The following LAMA1 variants were observed in gnomAD, a reference collection of about 807,000 sequenced individuals.
LAMA1 encodes laminin subunit alpha-1.
In LAMA1, 219 loss-of-function variants were observed where a neutral mutation model predicts 348.7. The observed-to-expected ratio is 0.63, with a 90% CI of 0.56 to 0.70. LAMA1 has a LOEUF of 0.70. Among genes scored for constraint, LAMA1 ranks in the 30% least tolerant of loss-of-function variants. The pLI, the probability that LAMA1 is intolerant of heterozygous loss-of-function variation, is 0.00. For synonymous variants in LAMA1, 1,487 were observed against 1,491.0 expected, an observed-to-expected ratio of 1.00 and a Z score of 0.06; for missense variants, 3,744 against 3,888.0, an observed-to-expected ratio of 0.96 and a Z score of 0.99.
At chr18:6,985,177 A>T in intron 39 of LAMA1, 60 bp downstream of exon 39, 1 of 1,554,518 alleles carries the variant, frequency 6.4e-7, no homozygotes, top group Non-Finnish European at 8.9e-7. Flanking sequence ...AGAAACATCC[A>T]TCTATTTCTC....
chr18:6,963,297 G>A (rs923922752), intron 51 of LAMA1, among the ~76,000 whole-genome samples: 1 of 152,154 alleles, frequency 6.6e-6, no homozygotes, highest in Non-Finnish European at 1.5e-5. Flanking sequence ...GGACATAGCC[G>A]AGGCTACAGG....
chr18:7,005,551 C>T (rs1273039031), intron 29 of LAMA1, among the ~76,000 whole-genome samples: 1 of 152,178 alleles, frequency 6.6e-6, no homozygotes, highest in African/African-American at 2.4e-5. Flanking sequence ...GAGTTCGAAA[C>T]CAGCCTGGCC....
chr18:7,004,251 C>T (rs1366369951), intron 29 of LAMA1, among the ~76,000 whole-genome samples: 7 of 152,186 alleles, frequency 4.6e-5, no homozygotes, highest in African/African-American at 1.7e-4. Context: ...AGTCGTATCT[C>T]CCAGAAGGCG....
intron 1 of LAMA1, among the ~76,000 whole-genome samples, chr18:7,082,959 T>TGCA (rs1221003751): frequency 7.0e-6 from 1 of 142,592 alleles, no homozygotes; most frequent in African/African-American, 3.1e-5. Flanking sequence ...TCTGAGTAAC[T>TGCA]GCAGGGTCTT....
At chr18:7,003,935 T>C (rs1031430389) in intron 29 of LAMA1, among the ~76,000 whole-genome samples, 2 of 152,240 alleles carry the variant, frequency 1.3e-5, no homozygotes, top group African/African-American at 4.8e-5. Context: ...CTCATCTCTC[T>C]GTAGAAGTAA....
At chr18:6,942,703 C>T (rs958580814) in intron 62 of LAMA1, among the ~76,000 whole-genome samples, 8 of 152,206 alleles carry the variant, frequency 5.3e-5, no homozygotes, top group East Asian at 1.9e-4. Context: ...TGTAAGCCAC[C>T]GCACCTGGCC....
At chr18:7,093,402 C>T (rs559598944) in intron 1 of LAMA1, among the ~76,000 whole-genome samples, 1 of 151,882 alleles carries the variant, frequency 6.6e-6, no homozygotes, top group Non-Finnish European at 1.5e-5. Flanking sequence ...GGCGACAGAG[C>T]CAGACTCGGT....
intron 46 of LAMA1, among the ~76,000 whole-genome samples, chr18:6,974,175 A>G (rs1600362290): frequency 1.3e-5 from 2 of 152,174 alleles, no homozygotes; most frequent in South Asian, 4.1e-4. Flanking sequence ...TGATTTTGGT[A>G]TCAAAGTTTG....
chr18:7,014,561 A>G (rs910212330), intron 22 of LAMA1, among the ~76,000 whole-genome samples: 1 of 40,602 alleles, frequency 2.5e-5, no homozygotes, highest in African/African-American at 7.6e-5. Flanking sequence ...GGTCAAGGAT[A>G]CAGTGAGCTT....
chr18:6,947,401 T>C lies in LAMA1; in HGVS notation c.8711-105A>G, dbSNP rs2057527062. On this transcript the variant is annotated intron_variant, in intron 60 of 62. Transcript: ENST00000389658. ...TGGGGGACCTGGCTCTAGCTCCTCC[T>C]TTGGATCCAGCTGCATCCCCACCAG... 12 of 1,379,392 alleles carry C rather than the reference T, an allele frequency of 8.7e-6. No individual in the cohort carries two copies. The South Asian group carries it at 1.4e-4, about 17-fold the overall frequency. 85.4% of individuals were successfully genotyped at this position (1,379,392 alleles called of 1,614,324 possible). A position where few individuals can be genotyped will look rare whatever the true frequency, so the allele number is the denominator to read the frequency against.
chr18:6,992,571 G>C lies in LAMA1; in HGVS notation c.5158C>G (p.Leu1720Val), dbSNP rs1438728082. 1.2e-6 allele frequency: 2 copies of C among 1,614,052 alleles called. No homozygotes were observed. The highest frequency in any genetic ancestry group is 1.7e-6 in the Non-Finnish European group (2 of 1,180,020). Residue 1720 changes from leucine to valine, a missense_variant, in exon 36 of 63, where the codon CTT (leucine) becomes GTT (valine). Physicochemically the swap from Leu to Val is conservative, Grantham distance 32 (BLOSUM62 1). Coordinates refer to ENST00000389658, the MANE Select transcript of LAMA1 (RefSeq NM_005559.4). The stretch of plus-strand genomic sequence containing the variant: ...TAATTAGAAACTTACTTGAGTTCAA[G>C]GGTGGCATTTTGGTGCAACTGTGTG... ...DFTQLHQNATLELKAAEDLLS... is the reference protein window; with the variant it reads ...DFTQLHQNATVELKAAEDLLS...
intron 3 of LAMA1, among the ~76,000 whole-genome samples, chr18:7,074,299 C>T (rs921961523): frequency 6.6e-6 from 1 of 152,162 alleles, no homozygotes; most frequent in Non-Finnish European, 1.5e-5. Flanking sequence ...GTTTGATTTT[C>T]ACTTCCCTAT....
intron 3 of LAMA1, among the ~76,000 whole-genome samples, chr18:7,074,229 T>C (rs1475030679): frequency 6.6e-6 from 1 of 152,202 alleles, no homozygotes; most frequent in East Asian, 1.9e-4. Context: ...CCAACACTTA[T>C]TATTTTCCAA....
intron 26 of LAMA1, 45 bp from the exon 27 acceptor site, chr18:7,009,411 C>G: frequency 6.2e-7 from 1 of 1,604,624 alleles, no homozygotes; most frequent in East Asian, 2.2e-5. Context: ...AGGCCAAATT[C>G]TGACAGGCAT....
chr18:7,043,438 T>C, intron 7 of LAMA1, 33 bp from the exon 8 acceptor site: 2 of 1,566,674 alleles, frequency 1.3e-6, no homozygotes, highest in South Asian at 2.2e-5. Flanking sequence ...TCAATTAATT[T>C]ACATAGCATG....
chr18:6,970,743 G>A (rs1315203363), intron 48 of LAMA1, among the ~76,000 whole-genome samples: 1 of 152,002 alleles, frequency 6.6e-6, no homozygotes, highest in African/African-American at 2.4e-5. Context: ...CTCCTGAGTA[G>A]CTGGGACTAC....
rs1436060933 is a variant in LAMA1, at chr18:6,942,679, G to A, written c.9068-440C>T. Reference sequence around the variant, plus strand: ...TCCACCCACCTTGGCCTCCCAAAGTGCCGGGATTATAGGTGTAAGCCACCG... The same window carrying A: ...TCCACCCACCTTGGCCTCCCAAAGTACCGGGATTATAGGTGTAAGCCACCG... On this transcript the variant is annotated intron_variant, in intron 62 of 62. Transcript: ENST00000389658. Among the ~76,000 whole-genome samples, 3 of 152,110 alleles carry A rather than the reference G, an allele frequency of 2.0e-5. No individual in the cohort carries two copies. The East Asian group carries it at 5.8e-4, about 29-fold the overall frequency.
At chr18:7,047,168 C>T (rs1056737940) in intron 5 of LAMA1, among the ~76,000 whole-genome samples, 3 of 151,954 alleles carry the variant, frequency 2.0e-5, no homozygotes, top group African/African-American at 7.3e-5. Flanking sequence ...CCTCAGCCTC[C>T]TGAGTAGCTG....
chr18:7,029,289 A>G (rs1222096883), intron 16 of LAMA1, among the ~76,000 whole-genome samples: 2 of 152,224 alleles, frequency 1.3e-5, no homozygotes, highest in East Asian at 1.9e-4. Flanking sequence ...TCCTCAGACA[A>G]CAGAGTCTTA....
Sources: gnomAD v4.1 joint callset for allele counts (sites outside exome capture counted in the v4.1 genomes callset) on GRCh38, gnomAD v4.1.1 for gene constraint, MANE v1.5 for transcripts, NCBI Gene and HGNC (gene_info 2026-07-23, HGNC 2026-07-21) for gene names.